The following PBX3 variants were observed in gnomAD, a reference collection of about 807,000 sequenced individuals.
PBX3 encodes pre-B-cell leukemia transcription factor 3.
A neutral mutation model predicts 48.5 loss-of-function variants in PBX3; 14 were observed. The ratio of observed to expected loss-of-function variants is 0.29; its 90% CI spans 0.19 to 0.45. The LOEUF (loss-of-function observed/expected upper bound fraction) is 0.45. Among genes scored for constraint, PBX3 ranks in the 20% least tolerant of loss-of-function variants. The pLI is 1.00. For synonymous variants in PBX3, 210 were observed against 200.3 expected (o/e 1.05, Z -0.41); for missense variants, 386 against 546.7 (o/e 0.71, Z 2.93).
At chr9:125,832,941 C>T (rs912777860) in intron 2 of PBX3, among the ~76,000 whole-genome samples, 6 of 152,134 alleles carry the variant, frequency 3.9e-5, no homozygotes, top group Non-Finnish European at 5.9e-5. Context: ...TTTATTATTT[C>T]CTGATGGCTC....
intron 2 of PBX3, among the ~76,000 whole-genome samples, chr9:125,780,225 TG>T (rs1837222089): frequency 7.7e-6 from 1 of 130,068 alleles, no homozygotes; most frequent in African/African-American, 2.9e-5. Flanking sequence ...ACGGGTCGGC[TG>T]GCCGGGCGGG....
chr9:125,857,461 T>C (rs1248831003), intron 2 of PBX3, among the ~76,000 whole-genome samples: 1 of 152,114 alleles, frequency 6.6e-6, no homozygotes, highest in Non-Finnish European at 1.5e-5. Context: ...ATTCTTCCCT[T>C]CTACTCTCTC....
At chr9:125,956,917 C>T (rs1842322747) in intron 5 of PBX3, among the ~76,000 whole-genome samples, 1 of 152,206 alleles carries the variant, frequency 6.6e-6, no homozygotes, top group Non-Finnish European at 1.5e-5. Flanking sequence ...CCACTGTGAG[C>T]TCTGTGCAGG....
intron 2 of PBX3, among the ~76,000 whole-genome samples, chr9:125,782,627 A>G (rs1392760216): frequency 6.6e-6 from 1 of 152,150 alleles, no homozygotes; most frequent in East Asian, 1.9e-4. Flanking sequence ...ATATTTACCT[A>G]TGTGGTTATC....
intron 2 of PBX3, among the ~76,000 whole-genome samples, chr9:125,838,141 G>T (rs1839191396): frequency 1.3e-5 from 2 of 152,136 alleles, no homozygotes; most frequent in Admixed American, 6.5e-5. Flanking sequence ...ACTGCAGCCT[G>T]CTGGGCTCAA....
intron 4 of PBX3, among the ~76,000 whole-genome samples, chr9:125,933,730 G>A (rs1841771534): frequency 6.6e-6 from 1 of 152,106 alleles, no homozygotes; most frequent in African/African-American, 2.4e-5. Flanking sequence ...GAGAACATGG[G>A]CCCAGTACTG....
intron 2 of PBX3, among the ~76,000 whole-genome samples, chr9:125,852,352 T>A (rs1839606295): frequency 6.6e-6 from 1 of 152,186 alleles, no homozygotes; most frequent in Non-Finnish European, 1.5e-5. Context: ...GATCCAGCCA[T>A]TGTCTTATTT....
intron 2 of PBX3, among the ~76,000 whole-genome samples, chr9:125,897,147 T>TTTTG (rs550235328): frequency 5.5e-5 from 8 of 146,334 alleles, no homozygotes; most frequent in Admixed American, 3.5e-4. Context: ...TGTGGTTTTT[T>TTTTG]TTTTTTTTTT....
intron 2 of PBX3, among the ~76,000 whole-genome samples, chr9:125,823,102 G>A (rs10986953): frequency 0.059 from 9,025 of 152,046 alleles, 615 homozygotes; most frequent in East Asian, 0.17. Context: ...GTAAGTTTGT[G>A]GTATGGTCAT....
At chr9:125,938,471 TA>T (rs956475948) in intron 5 of PBX3, among the ~76,000 whole-genome samples, 3 of 151,224 alleles carry the variant, frequency 2.0e-5, no homozygotes, top group South Asian at 2.1e-4. Flanking sequence ...ACAAGAGATT[TA>T]AAAAAAAAGT....
chr9:125,888,526 C>T (rs2132375225), intron 2 of PBX3, among the ~76,000 whole-genome samples: 1 of 150,424 alleles, frequency 6.6e-6, no homozygotes, highest in South Asian at 2.1e-4. Flanking sequence ...CACTTGATGG[C>T]ATTTTTTTGG....
chr9:125,767,939 T>C (rs1836842684), intron 2 of PBX3, among the ~76,000 whole-genome samples: 1 of 151,950 alleles, frequency 6.6e-6, no homozygotes, highest in Non-Finnish European at 1.5e-5. Context: ...ACTCAGGTGC[T>C]AGTAGGACTA....
chr9:125,800,893 C>T (rs1837923948), intron 2 of PBX3, among the ~76,000 whole-genome samples: 1 of 151,644 alleles, frequency 6.6e-6, no homozygotes, highest in African/African-American at 2.4e-5. Flanking sequence ...ACTGGGATTA[C>T]AGGCGCCTGC....
chr9:125,948,300 T>G (rs1842108876), intron 5 of PBX3, among the ~76,000 whole-genome samples: 1 of 152,246 alleles, frequency 6.6e-6, no homozygotes, highest in Non-Finnish European at 1.5e-5. Context: ...CATTCTAATT[T>G]TAAGCACTTA....
chr9:125,773,235 ATG>A (rs1836987178), intron 2 of PBX3, among the ~76,000 whole-genome samples: 1 of 152,270 alleles, frequency 6.6e-6, no homozygotes, highest in South Asian at 2.1e-4. Context: ...AGAGGAAACA[ATG>A]GTTTTAAACT....
chr9:125,780,432 C>G (rs1202654972), intron 2 of PBX3, among the ~76,000 whole-genome samples: 1 of 131,276 alleles, frequency 7.6e-6, no homozygotes, highest in Non-Finnish European at 1.6e-5. Flanking sequence ...CCCCCACCTC[C>G]CTCCCAGACG....
chr9:125,934,793 A>T (rs1405200892), intron 4 of PBX3, among the ~76,000 whole-genome samples: 1 of 151,904 alleles, frequency 6.6e-6, no homozygotes, highest in Non-Finnish European at 1.5e-5. Flanking sequence ...TTTCAAGTAG[A>T]TCTTGAGTCT....
intron 2 of PBX3, among the ~76,000 whole-genome samples, chr9:125,817,555 C>T (rs1253841362): frequency 1.3e-5 from 2 of 152,154 alleles, no homozygotes; most frequent in Non-Finnish European, 2.9e-5. Context: ...TTGCACAACT[C>T]CAGGTTGCAT....
chr9:125,808,938 C>G (rs1838206543), intron 2 of PBX3, among the ~76,000 whole-genome samples: 1 of 152,148 alleles, frequency 6.6e-6, no homozygotes, highest in South Asian at 2.1e-4. Context: ...TGTGGCACAT[C>G]ACAGCCTTCT....
Sources: allele counts gnomAD v4.1 joint callset (sites outside exome capture counted in the v4.1 genomes callset), GRCh38; gene constraint gnomAD v4.1.1; transcripts MANE v1.5; gene names NCBI Gene and HGNC (gene_info 2026-07-23, HGNC 2026-07-21).